Variants in MALRD1 observed in about 807,000 individuals in gnomAD.
MALRD1 encodes MAM and LDL receptor class A domain containing 1.
A neutral mutation model predicts 242.1 loss-of-function variants in MALRD1; 247 were observed. The observed-to-expected ratio is 1.02, with a 90% CI of 0.92 to 1.13. The LOEUF is 1.13. MALRD1 is among the 50% of genes most tolerant of loss of function. MALRD1 has a pLI of 0.00. For missense variants in MALRD1, 2,989 were observed against 2,533.1 expected, an observed-to-expected ratio of 1.18 and a Z score of -3.86; for synonymous variants, 995 against 866.6, an observed-to-expected ratio of 1.15 and a Z score of -2.60.
At chr10:19,466,114 T>C (rs1041440962) in intron 29 of MALRD1, among the ~76,000 whole-genome samples, 1 of 152,202 alleles carries the variant, frequency 6.6e-6, no homozygotes, top group Non-Finnish European at 1.5e-5. Context: ...TATTAAACAT[T>C]TATTTTTCTT....
At chr10:19,482,119 T>C (rs1837021265) in intron 29 of MALRD1, among the ~76,000 whole-genome samples, 2 of 152,010 alleles carry the variant, frequency 1.3e-5, no homozygotes, top group Non-Finnish European at 2.9e-5. Flanking sequence ...GAAATCACAT[T>C]AAATGACTTA....
At chr10:19,559,611 A>C (rs1197124976) in intron 32 of MALRD1, among the ~76,000 whole-genome samples, 1 of 152,192 alleles carries the variant, frequency 6.6e-6, no homozygotes, top group Non-Finnish European at 1.5e-5. Flanking sequence ...CACCAAAAGC[A>C]ATGGCAACAA....
chr10:19,495,280 A>T (rs1837662822), intron 30 of MALRD1, among the ~76,000 whole-genome samples: 1 of 151,970 alleles, frequency 6.6e-6, no homozygotes, highest in South Asian at 2.1e-4. Flanking sequence ...CCTGGCCATA[A>T]TAATCACATT....
intron 28 of MALRD1, among the ~76,000 whole-genome samples, chr10:19,392,419 C>T (rs1461125960): frequency 6.6e-6 from 1 of 152,114 alleles, no homozygotes; most frequent in African/African-American, 2.4e-5. Flanking sequence ...GAGATCTATA[C>T]ACATTGCATA....
At chr10:19,088,292 T>G in intron 4 of MALRD1, 107 bp downstream of exon 4, 2 of 1,016,542 alleles carry the variant, frequency 2.0e-6, no homozygotes, top group Admixed American at 8.6e-5. Flanking sequence ...TGCCAGGGAC[T>G]GAGGGATTTC....
chr10:19,238,753 A>G (rs963347511), intron 18 of MALRD1, among the ~76,000 whole-genome samples: 9 of 149,908 alleles, frequency 6.0e-5, no homozygotes, highest in African/African-American at 2.2e-4. Flanking sequence ...ATGTGATCGA[A>G]TGATTGTTTT....
intron 7 of MALRD1, among the ~76,000 whole-genome samples, chr10:19,125,881 G>A (rs1221616909): frequency 6.6e-6 from 1 of 151,768 alleles, no homozygotes; most frequent in East Asian, 1.9e-4. Flanking sequence ...TAGATTTTAT[G>A]CTTTCCTTCT....
intron 36 of MALRD1, among the ~76,000 whole-genome samples, chr10:19,650,990 A>G (rs1164857802): frequency 6.6e-6 from 1 of 152,176 alleles, no homozygotes; most frequent in Non-Finnish European, 1.5e-5. Flanking sequence ...GGATAATAGA[A>G]AGCCAGTCTC....
intron 28 of MALRD1, among the ~76,000 whole-genome samples, chr10:19,396,286 G>C (rs918942482): frequency 6.6e-6 from 1 of 151,710 alleles, no homozygotes. Flanking sequence ...ACAGGTGCAC[G>C]CCACCACGCC....
intron 4 of MALRD1, among the ~76,000 whole-genome samples, chr10:19,098,648 G>T (rs781485260): frequency 1.3e-5 from 2 of 152,088 alleles, no homozygotes; most frequent in Non-Finnish European, 2.9e-5. Context: ...ACATATAACC[G>T]TAAGTGTTTT....
chr10:19,174,115 G>T (rs1301513077), intron 13 of MALRD1, among the ~76,000 whole-genome samples: 2 of 152,140 alleles, frequency 1.3e-5, no homozygotes, highest in Non-Finnish European at 2.9e-5. Flanking sequence ...TGGACAGAAA[G>T]AATATGATCT....
chr10:19,602,901 G>A (rs1453660428), intron 34 of MALRD1, among the ~76,000 whole-genome samples: 7 of 152,126 alleles, frequency 4.6e-5, no homozygotes, highest in Non-Finnish European at 8.8e-5. Flanking sequence ...ACTGGTGTGA[G>A]ATGGTATCTC....
At chr10:19,125,402 C>T (rs540293106) in intron 7 of MALRD1, among the ~76,000 whole-genome samples, 12 of 126,754 alleles carry the variant, frequency 9.5e-5, no homozygotes, top group Admixed American at 4.3e-4. Context: ...TCCTTCCTTC[C>T]ATCCATGCTT....
intron 21 of MALRD1, chr10:19,290,438 A>T (rs904938070): frequency 6.6e-6 from 1 of 152,190 alleles, no homozygotes; most frequent in Non-Finnish European, 1.5e-5. Context: ...TAGGGTTGTA[A>T]TCAAGGTATA....
At chr10:19,136,013 A>G (rs1221163266) in intron 9 of MALRD1, among the ~76,000 whole-genome samples, 1 of 152,180 alleles carries the variant, frequency 6.6e-6, no homozygotes, top group Non-Finnish European at 1.5e-5. Context: ...CTTTTATGTA[A>G]GTTGAATAGA....
At chr10:19,546,246 T>C (rs1835203015) in intron 32 of MALRD1, among the ~76,000 whole-genome samples, 1 of 152,238 alleles carries the variant, frequency 6.6e-6, no homozygotes, top group Non-Finnish European at 1.5e-5. Context: ...ACAGTGAATA[T>C]GCATTCTGAT....
intron 36 of MALRD1, among the ~76,000 whole-genome samples, chr10:19,649,407 T>C (rs1434988269): frequency 1.3e-5 from 2 of 152,184 alleles, no homozygotes; most frequent in African/African-American, 4.8e-5. Context: ...CTGTTATTTT[T>C]TGACTTTTTA....
intron 26 of MALRD1, among the ~76,000 whole-genome samples, chr10:19,357,799 G>A (rs1370962864): frequency 6.6e-6 from 1 of 152,076 alleles, no homozygotes; most frequent in Non-Finnish European, 1.5e-5. Flanking sequence ...CTTTTCATCT[G>A]TATTCATGTG....
intron 21 of MALRD1, among the ~76,000 whole-genome samples, chr10:19,303,687 AT>A (rs1367857595): frequency 6.6e-6 from 1 of 151,792 alleles, no homozygotes; most frequent in African/African-American, 2.4e-5. Context: ...TTTCATTAAT[AT>A]ATACAAATCT....
Sources: allele counts gnomAD v4.1 joint callset (sites outside exome capture counted in the v4.1 genomes callset), GRCh38; gene constraint gnomAD v4.1.1; transcripts MANE v1.5; gene names NCBI Gene and HGNC (gene_info 2026-07-23, HGNC 2026-07-21).